RAPGEF5: variants seen among roughly 807,000 people sequenced by gnomAD.
RAPGEF5 encodes Rap guanine nucleotide exchange factor 5, also known as M-Ras-regulated GEF.
A neutral mutation model predicts 125.2 loss-of-function variants in RAPGEF5; 65 were observed. The observed-to-expected ratio is 0.52, with a 90% CI of 0.43 to 0.64. RAPGEF5 has a LOEUF of 0.64. RAPGEF5 is among the 30% of genes least tolerant of loss of function. RAPGEF5 has a pLI of 0.00. For missense variants in RAPGEF5, 958 were observed against 1,048.1 expected, an observed-to-expected ratio of 0.91 and a Z score of 1.19; for synonymous variants, 391 against 385.9, an observed-to-expected ratio of 1.01 and a Z score of -0.16.
At chr7:22,147,959 G>T (rs957303792) in intron 18 of RAPGEF5, among the ~76,000 whole-genome samples, 1 of 152,138 alleles carries the variant, frequency 6.6e-6, no homozygotes, top group South Asian at 2.1e-4. Context: ...TGATGAAAAC[G>T]TTTCCTATTT....
At position 22,273,288 on chromosome 7, in the gene RAPGEF5, G is replaced by A. The variant is rs528088411; in HGVS notation, c.748-6276C>T. ...GGCTTGAGTGCAGTGGCGCAATCTC[G>A]GCTCACTGCAAGCTCCGCCTCCCGG... On this transcript the variant is annotated intron_variant, in intron 6 of 25. Coordinates refer to ENST00000665637, the MANE Select transcript of RAPGEF5 (RefSeq NM_012294.5). Among the ~76,000 whole-genome samples, 425 of 136,710 alleles carry A rather than the reference G, an allele frequency of 3.1e-3. 2 individuals are homozygous for A. Among genetic ancestry groups the A allele is most frequent in the African/African-American group, 0.011 (402 of 35,582 alleles). 89.7% of individuals were successfully genotyped at this position (136,710 alleles called of 152,430 possible). A position where few individuals can be genotyped will look rare whatever the true frequency, so the allele number is the denominator to read the frequency against.
At chr7:22,178,670 G>A (rs1401830744) in intron 11 of RAPGEF5, among the ~76,000 whole-genome samples, 2 of 152,162 alleles carry the variant, frequency 1.3e-5, no homozygotes, top group Admixed American at 1.3e-4. Flanking sequence ...GTTTCCGTGG[G>A]GTTTGGGTTC....
At chr7:22,154,222 C>T (rs1407227424) in intron 17 of RAPGEF5, among the ~76,000 whole-genome samples, 6 of 152,038 alleles carry the variant, frequency 3.9e-5, no homozygotes, top group African/African-American at 2.4e-5. Context: ...TAATGTATTT[C>T]AAAACACTGG....
intron 5 of RAPGEF5, among the ~76,000 whole-genome samples, chr7:22,302,641 C>T (rs1783236938): frequency 6.6e-6 from 1 of 152,174 alleles, no homozygotes; most frequent in Non-Finnish European, 1.5e-5. Flanking sequence ...TACCCAGAGG[C>T]TACCTTGAGA....
At chr7:22,159,005 AATGTATTAAATTTCC>A (rs1480255146) in intron 14 of RAPGEF5, among the ~76,000 whole-genome samples, 1 of 152,176 alleles carries the variant, frequency 6.6e-6, no homozygotes, top group Non-Finnish European at 1.5e-5. Context: ...TTTAAAATGG[AATGTATTAAATTTCC>A]ATTAATGTAT....
chr7:22,303,708 T>C lies in RAPGEF5; in HGVS notation c.680+4631A>G, dbSNP rs150807575. The stretch of plus-strand genomic sequence containing the variant: ...GACAATGTAAGAATCAAGAGGGCAC[T>C]TGAATAAAATGGATAGAAACAAAGC... On this transcript the variant is annotated intron_variant, in intron 5 of 25. Transcript: ENST00000665637. Among the ~76,000 whole-genome samples, 143 of 152,298 alleles carry C rather than the reference T, an allele frequency of 9.4e-4. 1 individual carries two copies. Among genetic ancestry groups the C allele is most frequent in the African/African-American group, 3.2e-3 (134 of 41,558 alleles).
At chr7:22,352,424 T>C (rs1334692047) in intron 1 of RAPGEF5, among the ~76,000 whole-genome samples, 1 of 146,900 alleles carries the variant, frequency 6.8e-6, no homozygotes, top group African/African-American at 2.5e-5. Context: ...AAAAAAAAAA[T>C]TCATCAATGC....
intron 7 of RAPGEF5, among the ~76,000 whole-genome samples, chr7:22,249,680 G>A (rs1039371418): frequency 5.9e-5 from 9 of 152,154 alleles, no homozygotes; most frequent in African/African-American, 2.2e-4. Flanking sequence ...AATAAATAAG[G>A]TAGTCGCAGA....
intron 8 of RAPGEF5, among the ~76,000 whole-genome samples, chr7:22,222,360 C>A (rs1785813112): frequency 6.6e-6 from 1 of 152,004 alleles, no homozygotes; most frequent in African/African-American, 2.4e-5. Context: ...GGTAAGGGGA[C>A]AGATAAATAA....
intron 16 of RAPGEF5, among the ~76,000 whole-genome samples, chr7:22,154,871 T>C (rs1783755738): frequency 6.6e-6 from 1 of 152,222 alleles, no homozygotes; most frequent in African/African-American, 2.4e-5. Flanking sequence ...TTTCATTATG[T>C]AATGAGAGAC....
chr7:22,274,553 C>T (rs934905645), intron 6 of RAPGEF5, among the ~76,000 whole-genome samples: 6 of 151,958 alleles, frequency 3.9e-5, no homozygotes, highest in African/African-American at 9.7e-5. Flanking sequence ...TGGTCTTAAA[C>T]TCCTGGGCTC....
chr7:22,300,348 T>C (rs1320416902), intron 5 of RAPGEF5, among the ~76,000 whole-genome samples: 2 of 152,242 alleles, frequency 1.3e-5, no homozygotes, highest in Non-Finnish European at 2.9e-5. Context: ...ATCCCTCTAT[T>C]CATTTGAAAC....
At chr7:22,145,271 T>G (rs764194356) in intron 19 of RAPGEF5, 49 bp from the exon 20 acceptor site, 1 of 1,529,628 alleles carries the variant, frequency 6.5e-7, no homozygotes, top group South Asian at 1.3e-5. Context: ...CAAAGTATGG[T>G]TGATACAAAA....
chr7:22,240,061 T>C (rs528004126), intron 7 of RAPGEF5, among the ~76,000 whole-genome samples: 2 of 151,836 alleles, frequency 1.3e-5, no homozygotes, highest in South Asian at 4.2e-4. Context: ...ATACAAAAAA[T>C]TAGCCAGGAG....
At chr7:22,215,268 G>T (rs1247299436) in intron 9 of RAPGEF5, among the ~76,000 whole-genome samples, 1 of 152,018 alleles carries the variant, frequency 6.6e-6, no homozygotes, top group South Asian at 2.1e-4. Context: ...CTAATATTTT[G>T]GTATCTCTGT....
intron 5 of RAPGEF5, among the ~76,000 whole-genome samples, chr7:22,301,444 T>C (rs113136327): frequency 0.018 from 2,804 of 151,916 alleles, 84 homozygotes; most frequent in African/African-American, 0.064. Flanking sequence ...TGAAACCCCA[T>C]CTCTACTAAA....
intron 1 of RAPGEF5, among the ~76,000 whole-genome samples, chr7:22,336,933 A>G (rs1433451878): frequency 1.3e-5 from 2 of 152,128 alleles, no homozygotes; most frequent in Admixed American, 1.3e-4. Flanking sequence ...TTGAGCAGAG[A>G]GGTGAATGGA....
At chr7:22,232,613 G>A (rs1158195671) in intron 7 of RAPGEF5, among the ~76,000 whole-genome samples, 1 of 152,120 alleles carries the variant, frequency 6.6e-6, no homozygotes, top group Non-Finnish European at 1.5e-5. Flanking sequence ...GAGCCACCAC[G>A]CTTGGCCTGT....
At chr7:22,159,511 T>G (rs911799811) in intron 14 of RAPGEF5, among the ~76,000 whole-genome samples, 3 of 152,214 alleles carry the variant, frequency 2.0e-5, no homozygotes, top group Non-Finnish European at 2.9e-5. Context: ...AACTTGACAA[T>G]GTATGTACTT....
Sources: allele counts gnomAD v4.1 joint callset (sites outside exome capture counted in the v4.1 genomes callset), GRCh38; gene constraint gnomAD v4.1.1; transcripts MANE v1.5; gene names NCBI Gene and HGNC (gene_info 2026-07-23, HGNC 2026-07-21).